Variants in IL16 observed in about 807,000 individuals in gnomAD.
The protein encoded by IL16 is pro-interleukin-16.
In IL16, 67 loss-of-function variants were observed where a neutral mutation model predicts 110.1. The observed-to-expected ratio is 0.61, with a 90% CI of 0.50 to 0.75. The LOEUF is 0.75. Ranked by LOEUF, IL16 falls within the 30% of genes least tolerant of loss-of-function variation. The pLI is 0.00. For synonymous variants in IL16, 689 were observed against 662.9 expected, an observed-to-expected ratio of 1.04 and a Z score of -0.61; for missense variants, 1,545 against 1,655.0, an observed-to-expected ratio of 0.93 and a Z score of 1.15.
chr15:81,300,389 G>A lies in IL16; in HGVS notation c.3063G>A (p.Gly1021=). Residue 1021 remains glycine, a synonymous_variant, in exon 14 of 19, where the codon GGG becomes GGA. Transcript: ENST00000683961. ...CAQTPCIPKE[G]ASPTSSSNED... ...AGACTCCCTGCATCCCCAAGGAAGGGGCATCTCCAACATCATCATCCAACG... is the reference window on the plus strand; with the variant it reads ...AGACTCCCTGCATCCCCAAGGAAGGAGCATCTCCAACATCATCATCCAACG... 2 of 1,614,062 alleles carry A rather than the reference G, an allele frequency of 1.2e-6. No homozygotes were observed. Among genetic ancestry groups the A allele is most frequent in the Non-Finnish European group, 1.7e-6 (2 of 1,179,990 alleles).
At chr15:81,272,837 T>C (rs751448104) in intron 5 of IL16, among the ~76,000 whole-genome samples, 15 of 152,106 alleles carry the variant, frequency 9.9e-5, no homozygotes, top group Non-Finnish European at 1.9e-4. Context: ...GTGGGAAACT[T>C]CAGATTCCCG....
chr15:81,282,698 G>A lies in IL16; in HGVS notation c.1141G>A (p.Gly381Ser), dbSNP rs751114399. Residue 381 changes from glycine to serine, a missense_variant, in exon 9 of 19, where the codon GGC (glycine) becomes AGC (serine). This residue lies in a region of IL16 where 1,185 missense variants were observed against 1,238.8 expected (regional missense o/e 0.96). Transcript: ENST00000683961. ...CSVPYFQCIS[G>S]IFVHTLSPGS... The stretch of plus-strand genomic sequence containing the variant: ...CGTTCCCTACTTCCAATGCATCTCT[G>A]GCATTTTCGTCCACACGCTGTCACC... The A allele has an allele frequency of 5.6e-6, 9 of 1,614,112 alleles. No homozygotes were observed. Among genetic ancestry groups the A allele is most frequent in the Non-Finnish European group, 8.5e-7 (1 of 1,180,006 alleles).
chr15:81,296,226 C>G (rs530149918), intron 12 of IL16, among the ~76,000 whole-genome samples: 1 of 152,298 alleles, frequency 6.6e-6, no homozygotes, highest in East Asian at 1.9e-4. Flanking sequence ...CTGACAGTAC[C>G]TTAAGCACAC....
chr15:81,297,140 A>G, intron 13 of IL16, 62 bp downstream of exon 13: 1 of 1,524,096 alleles, frequency 6.6e-7, no homozygotes, highest in East Asian at 2.3e-5. Context: ...CAGGGATAAG[A>G]TAAGAGCACA....
chr15:81,280,082 G>A (rs556757218), intron 8 of IL16, among the ~76,000 whole-genome samples: 4 of 152,354 alleles, frequency 2.6e-5, no homozygotes, highest in Non-Finnish European at 4.4e-5. Flanking sequence ...TAGCTCTGCA[G>A]TAAATATGCT....
chr15:81,281,658 C>G (rs1457828833), intron 8 of IL16, among the ~76,000 whole-genome samples: 1 of 152,262 alleles, frequency 6.6e-6, no homozygotes, highest in Non-Finnish European at 1.5e-5. Flanking sequence ...CAGTCTTACC[C>G]TCATAATCCT....
chr15:81,216,143 T>C (rs989188354), intron 1 of IL16, among the ~76,000 whole-genome samples: 3 of 151,982 alleles, frequency 2.0e-5, no homozygotes, highest in Non-Finnish European at 2.9e-5. Flanking sequence ...GAATAGAGAG[T>C]CCTGGGGGAT....
chr15:81,289,519 C>G (rs1415228007), intron 10 of IL16, among the ~76,000 whole-genome samples: 1 of 152,142 alleles, frequency 6.6e-6, no homozygotes, highest in Non-Finnish European at 1.5e-5. Context: ...TTGCATTTAC[C>G]TAATCATTAG....
intron 3 of IL16, among the ~76,000 whole-genome samples, chr15:81,262,051 G>A (rs1898179020): frequency 6.6e-6 from 1 of 152,146 alleles, no homozygotes; most frequent in African/African-American, 2.4e-5. Flanking sequence ...GGGCAACAGA[G>A]TGAGAGCCTG....
chr15:81,282,080 G>C (rs750520931), intron 8 of IL16, among the ~76,000 whole-genome samples: 4 of 152,224 alleles, frequency 2.6e-5, no homozygotes, highest in Non-Finnish European at 4.4e-5. Flanking sequence ...CACTGAATCT[G>C]CGCTTGATCC....
At chr15:81,206,678 C>G (rs1010958966) in intron 1 of IL16, among the ~76,000 whole-genome samples, 8 of 152,126 alleles carry the variant, frequency 5.3e-5, no homozygotes. Flanking sequence ...AACAGCAACA[C>G]TAAATCTGGG....
At chr15:81,290,033 G>T in intron 10 of IL16, 1 of 362,120 alleles carries the variant, frequency 2.8e-6, no homozygotes, top group African/African-American at 2.1e-5. Flanking sequence ...TTACTCCAAA[G>T]TGATAATAAA....
At chr15:81,206,896 G>GACA (rs368229135) in intron 1 of IL16, among the ~76,000 whole-genome samples, 1 of 151,802 alleles carries the variant, frequency 6.6e-6, no homozygotes, top group African/African-American at 2.4e-5. Flanking sequence ...TGATGATGAC[G>GACA]ATGACATGGT....
At chr15:81,203,078 A>G (rs1214899166) in intron 1 of IL16, among the ~76,000 whole-genome samples, 1 of 152,080 alleles carries the variant, frequency 6.6e-6, no homozygotes, top group African/African-American at 2.4e-5. Context: ...ATGGCCAGTG[A>G]TGATGAGCAC....
At chr15:81,302,695 G>T (rs4459509) in intron 15 of IL16, among the ~76,000 whole-genome samples, 34,294 of 152,066 alleles carry the variant, frequency 0.23, 3,939 homozygotes, top group East Asian at 0.27. Context: ...ACCTGTAGGT[G>T]TACTTTATTT....
Position 81,292,611 on chromosome 15 carries a change from A to G in IL16, c.1476A>G (p.Arg492=), listed in dbSNP as rs766228707. ...GGCGGCCCACCTTGGAGAAGGAACGAGAGAAGAACTCAGCACCCCCGCATC... is the reference window on the plus strand; with the variant it reads ...GGCGGCCCACCTTGGAGAAGGAACGGGAGAAGAACTCAGCACCCCCGCATC... ...WHGRPTLEKE[R]EKNSAPPHRR... Residue 492 remains arginine (R), a synonymous_variant, in exon 12 of 19, where the codon CGA becomes CGG. Coordinates refer to ENST00000683961, the MANE Select transcript of IL16 (RefSeq NM_172217.5). The G allele has an allele frequency of 3.7e-6, 6 of 1,607,398 alleles. No homozygotes were observed. In the South Asian group the frequency reaches 6.6e-5, roughly 18 times the overall value.
rs879222491 is a variant in IL16 at position 81,286,410 on chromosome 15, G to T, written c.1332+580G>T. Among the ~76,000 whole-genome samples, 7 of 152,198 alleles carry T rather than the reference G, an allele frequency of 4.6e-5. 1 individual carries two copies. Among genetic ancestry groups the T allele is most frequent in the Admixed American group, 4.6e-4 (7 of 15,280 alleles). On this transcript the variant is annotated intron_variant, in intron 10 of 18. Coordinates refer to ENST00000683961, the MANE Select transcript of IL16 (RefSeq NM_172217.5). Reference sequence around the variant, plus strand: ...TGGGAACACAAAATTCAATGTCACAGAGTCAAAAAGGGACCTGACATGGAA... The same window carrying T: ...TGGGAACACAAAATTCAATGTCACATAGTCAAAAAGGGACCTGACATGGAA...
At chr15:81,200,307 AATT>A (rs1486880124) in intron 1 of IL16, among the ~76,000 whole-genome samples, 1 of 151,620 alleles carries the variant, frequency 6.6e-6, no homozygotes, top group East Asian at 1.9e-4. Context: ...GTAAAATGTA[AATT>A]ATTATGGTAA....
Position 81,273,114 on chromosome 15 carries a change from G to C in IL16, c.700G>C (p.Gly234Arg), listed in dbSNP as rs1164580884. 3 of 1,613,368 alleles carry C rather than the reference G, an allele frequency of 1.9e-6. No homozygotes were observed. The highest frequency in any genetic ancestry group is 2.5e-6 in the Non-Finnish European group (3 of 1,179,628). The change falls in exon 6 of 19, where the codon GGA becomes CGA. Residue 234 changes from glycine (G) to arginine (R), a missense_variant. Gly to Arg is a moderately radical substitution (Grantham distance 125). Transcript: ENST00000683961. ...AKGLGFSIVG[G>R]KDSIYGPIGI... ...GGGTCTGGGCTTCAGCATCGTTGGG[G>C]GAAAAGACAGCATTTATGGCCCCAT...
Sources: allele counts gnomAD v4.1 joint callset (sites outside exome capture counted in the v4.1 genomes callset), GRCh38; gene constraint gnomAD v4.1.1; regional missense constraint gnomAD v4.1.1; transcripts MANE v1.5; gene names NCBI Gene and HGNC (gene_info 2026-07-23, HGNC 2026-07-21).